REDIC1: variants seen among roughly 807,000 people sequenced by gnomAD.
REDIC1 encodes the protein HEI10 Interacting Protein 1.
chr12:39,680,768 G>GCACA, the REDIC1 span, among the ~76,000 whole-genome samples: 5,769 of 149,746 alleles, frequency 0.039, 126 homozygotes, highest in African/African-American at 0.056. Flanking sequence ...AAATACATAC[G>GCACA]CACACACACA....
At chr12:39,889,071 T>G in the REDIC1 span, among the ~76,000 whole-genome samples, 1 of 152,116 alleles carries the variant, frequency 6.6e-6, no homozygotes, top group African/African-American at 2.4e-5. Flanking sequence ...TAGATATATT[T>G]ACAAACATAA....
At chr12:39,691,133 G>A in the REDIC1 span, among the ~76,000 whole-genome samples, 1 of 152,228 alleles carries the variant, frequency 6.6e-6, no homozygotes, top group Middle Eastern at 3.4e-3. Flanking sequence ...GGAAGTGGAG[G>A]ATTGTGGGGA....
chr12:39,697,496 T>A, the REDIC1 span, among the ~76,000 whole-genome samples: 6 of 152,356 alleles, frequency 3.9e-5, no homozygotes. Context: ...AAACTACTCA[T>A]ATCTGAAGTA....
chr12:39,647,742 C>T, the REDIC1 span: 3 of 1,254,304 alleles, frequency 2.4e-6, no homozygotes, highest in Non-Finnish European at 3.2e-6. Context: ...TTCCTCTTCT[C>T]TAGTTTATAT....
chr12:39,653,539 T>TTCTTTTTC, the REDIC1 span, among the ~76,000 whole-genome samples: 1 of 56,060 alleles, frequency 1.8e-5, no homozygotes, highest in African/African-American at 6.0e-5. Context: ...TCTTCTTCTT[T>TTCTTTTTC]TTCTTCTTCT....
chr12:39,769,698 T>A, the REDIC1 span, among the ~76,000 whole-genome samples: 436 of 152,066 alleles, frequency 2.9e-3, 2 homozygotes, highest in African/African-American at 9.9e-3. Flanking sequence ...TTTAGTTTCA[T>A]CCTACTTGAG....
At chr12:39,657,324 A>G in the REDIC1 span, among the ~76,000 whole-genome samples, 1 of 152,240 alleles carries the variant, frequency 6.6e-6, no homozygotes, top group Admixed American at 6.5e-5. Flanking sequence ...AGGCCATACT[A>G]TATAGCCTCG....
the REDIC1 span, among the ~76,000 whole-genome samples, chr12:39,779,379 C>A: frequency 6.6e-6 from 1 of 152,192 alleles, no homozygotes; most frequent in Non-Finnish European, 1.5e-5. Flanking sequence ...AGCCTTCACT[C>A]TATTGCCTGA....
chr12:39,896,576 G>GTATACATATATGTATGTATGTA, the REDIC1 span, among the ~76,000 whole-genome samples: 1 of 97,566 alleles, frequency 1.0e-5, no homozygotes, highest in East Asian at 5.7e-4. Flanking sequence ...ATGTATGTAT[G>GTATACATATATGTATGTATGTA]TGTGTATATA....
At chr12:39,880,614 A>G in the REDIC1 span, among the ~76,000 whole-genome samples, 32 of 152,202 alleles carry the variant, frequency 2.1e-4, no homozygotes, top group Non-Finnish European at 4.1e-4. Context: ...ATTAGAAAAT[A>G]ATTTTCATAA....
the REDIC1 span, among the ~76,000 whole-genome samples, chr12:39,653,585 C>CTTT: frequency 8.8e-3 from 660 of 74,920 alleles, 151 homozygotes; most frequent in African/African-American, 0.011. Context: ...TCTTCCTCTT[C>CTTT]TTCTTCCTCT....
the REDIC1 span, among the ~76,000 whole-genome samples, chr12:39,741,450 T>C: frequency 1.1e-4 from 16 of 152,178 alleles, no homozygotes; most frequent in African/African-American, 3.6e-4. Context: ...TTACTGAGGA[T>C]TGAAGAATTT....
chr12:39,711,832 T>TGTGTGTACAC, the REDIC1 span, among the ~76,000 whole-genome samples: 26 of 8,760 alleles, frequency 3.0e-3, no homozygotes, highest in Admixed American at 6.7e-3. Context: ...TGCATGTGTA[T>TGTGTGTACAC]ATGTGTGTAT....
At chr12:39,718,650 A>G in the REDIC1 span, among the ~76,000 whole-genome samples, 1 of 152,012 alleles carries the variant, frequency 6.6e-6, no homozygotes, top group East Asian at 1.9e-4. Flanking sequence ...TCCCTTCCTA[A>G]TAAATATCCT....
chr12:39,844,150 A>T, the REDIC1 span, among the ~76,000 whole-genome samples: 1 of 152,190 alleles, frequency 6.6e-6, no homozygotes, highest in African/African-American at 2.4e-5. Flanking sequence ...TGTGCAACAC[A>T]CATGCCTCCT....
chr12:39,835,182 T>C, the REDIC1 span, among the ~76,000 whole-genome samples: 1 of 152,074 alleles, frequency 6.6e-6, no homozygotes. Context: ...TTTGTCCCCT[T>C]CCACAGTGTG....
chr12:39,749,505 G>A, the REDIC1 span, among the ~76,000 whole-genome samples: 1 of 152,168 alleles, frequency 6.6e-6, no homozygotes, highest in Non-Finnish European at 1.5e-5. Flanking sequence ...GGAGGAGCTG[G>A]TACCATTCCT....
chr12:39,702,365 C>T, the REDIC1 span, among the ~76,000 whole-genome samples: 17 of 152,230 alleles, frequency 1.1e-4, no homozygotes, highest in African/African-American at 3.9e-4. Context: ...ACACATACAC[C>T]CTCCCAAGAC....
At chr12:39,775,301 G>A in the REDIC1 span, among the ~76,000 whole-genome samples, 1 of 152,318 alleles carries the variant, frequency 6.6e-6, no homozygotes, top group Non-Finnish European at 1.5e-5. Flanking sequence ...GAAGTCTTAG[G>A]TAACGTAAGT....
Sources: gnomAD v4.1 joint callset for allele counts (sites outside exome capture counted in the v4.1 genomes callset) on GRCh38, gnomAD v4.1.1 for gene constraint, MANE v1.5 for transcripts, NCBI Gene and HGNC (gene_info 2026-07-23, HGNC 2026-07-21) for gene names.